Variants in FBXL17 observed in about 807,000 individuals in gnomAD.
FBXL17 encodes F-box and leucine rich repeat protein 17.
A neutral mutation model predicts 66.2 loss-of-function variants in FBXL17; 22 were observed. The ratio of observed to expected loss-of-function variants is 0.33; its 90% CI spans 0.24 to 0.47. FBXL17 has a LOEUF of 0.47. FBXL17 is among the 20% of genes least tolerant of loss of function. FBXL17 has a pLI of 1.00. For missense variants in FBXL17, 878 were observed against 948.2 expected (o/e 0.93, Z 0.97); for synonymous variants, 474 against 400.5 (o/e 1.18, Z -2.19).
At chr5:108,099,144 C>T (rs965968147) in intron 6 of FBXL17, among the ~76,000 whole-genome samples, 1 of 151,910 alleles carries the variant, frequency 6.6e-6, no homozygotes, top group African/African-American at 2.4e-5. Flanking sequence ...CAAGATATGC[C>T]CATCCCCCAA....
At chr5:108,371,283 TAAAC>T (rs1477055456) in intron 1 of FBXL17, among the ~76,000 whole-genome samples, 9 of 152,166 alleles carry the variant, frequency 5.9e-5, no homozygotes, top group African/African-American at 2.2e-4. Flanking sequence ...GTCCAACAAG[TAAAC>T]AAAGAATTCC....
intron 6 of FBXL17, among the ~76,000 whole-genome samples, chr5:108,145,976 T>C (rs1461737820): frequency 6.6e-6 from 1 of 151,986 alleles, no homozygotes; most frequent in East Asian, 1.9e-4. Flanking sequence ...CCCAGCACTT[T>C]GGGAGGCCGA....
chr5:108,371,265 A>G (rs1219679031), intron 1 of FBXL17, among the ~76,000 whole-genome samples: 1 of 152,178 alleles, frequency 6.6e-6, no homozygotes, highest in Non-Finnish European at 1.5e-5. Flanking sequence ...GGGGAAGAGA[A>G]CTCTGTGGTC....
At chr5:108,230,070 T>C (rs1037843085) in intron 4 of FBXL17, among the ~76,000 whole-genome samples, 1 of 151,934 alleles carries the variant, frequency 6.6e-6, no homozygotes, top group Non-Finnish European at 1.5e-5. Context: ...CAAAAAGTAA[T>C]AGATGTTGGC....
intron 6 of FBXL17, among the ~76,000 whole-genome samples, chr5:108,033,603 TA>T (rs1347390318): frequency 6.6e-6 from 1 of 152,168 alleles, no homozygotes; most frequent in Non-Finnish European, 1.5e-5. Context: ...AGTAAAAACC[TA>T]AAAGTGAAAT....
chr5:108,075,121 T>C (rs544251157), intron 6 of FBXL17, among the ~76,000 whole-genome samples: 2 of 152,330 alleles, frequency 1.3e-5, no homozygotes, highest in Admixed American at 1.3e-4. Context: ...ATGTTTACAT[T>C]ATTAGGCCCT....
intron 4 of FBXL17, among the ~76,000 whole-genome samples, chr5:108,251,409 A>G (rs1756345268): frequency 6.6e-6 from 1 of 152,042 alleles, no homozygotes; most frequent in Non-Finnish European, 1.5e-5. Flanking sequence ...CAGAGTAGGA[A>G]AATTAAGTCT....
At chr5:108,231,348 G>A (rs1367375957) in intron 4 of FBXL17, among the ~76,000 whole-genome samples, 4 of 152,008 alleles carry the variant, frequency 2.6e-5, no homozygotes, top group African/African-American at 9.7e-5. Context: ...TCACCCACAG[G>A]CAACTACTGA....
Position 108,381,692 on chromosome 5 carries a change from A to T in FBXL17, c.-1T>A. 1 of 1,464,078 alleles carries T rather than the reference A, an allele frequency of 6.8e-7. No homozygotes were observed. The highest frequency in any genetic ancestry group is 2.5e-5 in the Admixed American group (1 of 40,628). 90.7% of individuals were successfully genotyped at this position (1,464,078 alleles called of 1,614,324 possible). On this transcript the variant is annotated 5_prime_UTR_variant, in exon 1 of 9. Coordinates refer to ENST00000542267, the MANE Select transcript of FBXL17 (RefSeq NM_001163315.3). The stretch of plus-strand genomic sequence containing the variant: ...GCTCCTTCGAGAGAAGGTGGCCCAT[A>T]TAGAAGGCCCCGAGGAGGGGGACCG...
rs527403045 is a variant in FBXL17, at chr5:108,293,806, C to T, written c.1506+54593G>A. ...CTGTAATCCCATTACTTTGGGAGGC[C>T]GAGGTGGGTTGATCACTTGAGGTCA... On this transcript the variant is annotated intron_variant, in intron 4 of 8. Transcript: ENST00000542267. Among the ~76,000 whole-genome samples the T allele has an allele frequency of 8.6e-5, 13 of 151,654 alleles. No individual in the cohort carries two copies. In the South Asian group the frequency reaches 1.9e-3, roughly 22 times the overall value.
intron 7 of FBXL17, among the ~76,000 whole-genome samples, chr5:107,954,858 T>C (rs527320331): frequency 6.6e-6 from 1 of 152,284 alleles, no homozygotes; most frequent in South Asian, 2.1e-4. Flanking sequence ...TTCCTATCTA[T>C]AAAATGAGGC....
chr5:108,087,602 A>G (rs996627719), intron 6 of FBXL17, among the ~76,000 whole-genome samples: 2 of 151,946 alleles, frequency 1.3e-5, no homozygotes, highest in Admixed American at 6.6e-5. Context: ...CTTATACCCC[A>G]ATCTCGATCT....
chr5:108,241,003 T>C (rs1487824683), intron 4 of FBXL17, among the ~76,000 whole-genome samples: 1 of 152,184 alleles, frequency 6.6e-6, no homozygotes, highest in Admixed American at 6.5e-5. Context: ...AGCCACGGCA[T>C]TGCTGGAAAG....
intron 4 of FBXL17, among the ~76,000 whole-genome samples, chr5:108,265,071 G>A (rs1756993197): frequency 6.6e-6 from 1 of 151,936 alleles, no homozygotes; most frequent in Non-Finnish European, 1.5e-5. Flanking sequence ...AGAAGCAACA[G>A]AATAATTTAT....
intron 4 of FBXL17, among the ~76,000 whole-genome samples, chr5:108,275,689 T>C (rs1239337763): frequency 2.0e-5 from 3 of 152,180 alleles, no homozygotes; most frequent in Non-Finnish European, 4.4e-5. Context: ...ATTTTGCAGA[T>C]AGGGAAATGC....
chr5:107,944,795 T>C (rs1258239276), intron 7 of FBXL17, among the ~76,000 whole-genome samples: 1 of 152,086 alleles, frequency 6.6e-6, no homozygotes, highest in Non-Finnish European at 1.5e-5. Context: ...TGGATTCAAG[T>C]AGATAAAAGA....
chr5:108,353,630 G>A (rs1308287662), intron 3 of FBXL17, among the ~76,000 whole-genome samples: 1 of 152,146 alleles, frequency 6.6e-6, no homozygotes. Flanking sequence ...ACCTGTGGGA[G>A]TTTTGTCAGA....
intron 4 of FBXL17, among the ~76,000 whole-genome samples, chr5:108,262,090 T>TTTTTGAGACAGAGTCTCGC (rs1756857697): frequency 6.7e-6 from 1 of 149,530 alleles, no homozygotes; most frequent in African/African-American, 2.5e-5. Context: ...TTATTTATTT[T>TTTTTGAGACAGAGTCTCGC]TTTTGAGACA....
chr5:108,216,032 G>A lies in FBXL17; in HGVS notation c.1614+8089C>T, dbSNP rs553967047. Among the ~76,000 whole-genome samples the A allele has an allele frequency of 9.4e-4, 143 of 152,182 alleles. 1 individual carries two copies. The highest frequency in any genetic ancestry group is 3.3e-3 in the African/African-American group (135 of 41,524). On this transcript the variant is annotated intron_variant, in intron 5 of 8. Coordinates refer to ENST00000542267, the MANE Select transcript of FBXL17 (RefSeq NM_001163315.3). ...TGTGTGAGTTTATTTCTGGACGCTC[G>A]ATCCTTTTCCATTGACTTACGTGTC...
Sources: allele counts gnomAD v4.1 joint callset (sites outside exome capture counted in the v4.1 genomes callset), GRCh38; gene constraint gnomAD v4.1.1; transcripts MANE v1.5; gene names NCBI Gene and HGNC (gene_info 2026-07-23, HGNC 2026-07-21).